The following RRP1 variants were observed in gnomAD, a reference collection of about 807,000 sequenced individuals.
RRP1 encodes ribosomal RNA processing protein 1 homolog A.
In RRP1, 37 loss-of-function variants were observed where a neutral mutation model predicts 54.6. The observed-to-expected ratio is 0.68, with a 90% CI of 0.52 to 0.89. The LOEUF is 0.89. RRP1 is among the 40% of genes least tolerant of loss of function. RRP1 has a pLI of 0.00. For missense variants in RRP1, 639 were observed against 612.5 expected (o/e 1.04, Z -0.46); for synonymous variants, 262 against 244.3 (o/e 1.07, Z -0.67).
chr21:43,798,694 C>T (rs1213781787), intron 8 of RRP1, among the ~76,000 whole-genome samples: 1 of 151,960 alleles, frequency 6.6e-6, no homozygotes, highest in Non-Finnish European at 1.5e-5. Flanking sequence ...CACTGCCTGC[C>T]AGAGGCCTCT....
At chr21:43,794,267 C>T (rs544933876) in intron 4 of RRP1, among the ~76,000 whole-genome samples, 2 of 152,324 alleles carry the variant, frequency 1.3e-5, no homozygotes, top group East Asian at 1.9e-4. Flanking sequence ...CGGCCATGCA[C>T]TCAGACAGAG....
At chr21:43,797,720 G>T in intron 7 of RRP1, 25 bp downstream of exon 7, 2 of 1,611,808 alleles carry the variant, frequency 1.2e-6, no homozygotes, top group Non-Finnish European at 1.7e-6. Flanking sequence ...GCCTGATCGG[G>T]CCCGACTCCT....
intron 4 of RRP1, 105 bp downstream of exon 4, chr21:43,793,509 C>T (rs1025418831): frequency 2.6e-5 from 24 of 918,140 alleles, no homozygotes; most frequent in African/African-American, 3.3e-5. Context: ...TGAGGCAGTG[C>T]GACCCTGAAG....
In RRP1 at chr21:43,804,763, T is replaced by C. The variant is rs1337067918; in HGVS notation, c.*989T>C. The C allele has an allele frequency of 6.6e-6, 1 of 152,314 alleles. No homozygotes were observed. The highest frequency in any genetic ancestry group is 1.5e-5 in the Non-Finnish European group (1 of 68,134). The allele number at this position is 152,314 out of a possible 1,614,324, so 9.4% of individuals were successfully genotyped here. A position where few individuals can be genotyped will look rare whatever the true frequency, so the allele number is the denominator to read the frequency against. On this transcript the variant is annotated 3_prime_UTR_variant, in exon 13 of 13. Transcript: ENST00000497547. This position sits in a 1 kb window ranked among gnomAD's most constrained non-coding sequence, Gnocchi z 4.3. ...CTGGGACCAGGAAGGACCTCTAGGC[T>C]GTGGCTGGCCTTGTGCAGACCCTGG...
At position 43,795,261 on chromosome 21, in the gene RRP1, G is replaced by A. The variant is rs369919306; in HGVS notation, c.422+11G>A. 4.7e-5 allele frequency: 76 copies of A among 1,613,678 alleles called. No homozygotes were observed. The highest frequency in any genetic ancestry group is 5.7e-5 in the Non-Finnish European group (67 of 1,179,786). ...AGGCTGGGAAGAAAGGTGGGTGCGC[G>A]GCGGGCCTGCTCTGGGGGGACGCTG... On this transcript the variant is annotated intron_variant, in intron 5 of 12. Transcript: ENST00000497547.
chr21:43,800,709 C>T (rs1336421053), intron 10 of RRP1, 95 bp downstream of exon 10: 27 of 1,511,230 alleles, frequency 1.8e-5, no homozygotes, highest in African/African-American at 4.2e-5. Context: ...TGGGCCCTTC[C>T]GCAGCCCCCG....
Position 43,802,372 on chromosome 21 carries a change from T to G in RRP1, c.1108T>G (p.Leu370Val). 6.2e-7 allele frequency: 1 copy of G among 1,613,826 alleles called. No individual in the cohort carries two copies. Among genetic ancestry groups the G allele is most frequent in the Non-Finnish European group, 8.5e-7 (1 of 1,179,904 alleles). ...GAAGAAGCAGAAGCGTCTGCTCAGGTTGCAGCAGGAGAGAGGTAGGACTAG... is the reference window on the plus strand; with the variant it reads ...GAAGAAGCAGAAGCGTCTGCTCAGGGTGCAGCAGGAGAGAGGTAGGACTAG... ...KTKKQKRLLR[L>V]QQERGKGEKE... The change falls in exon 12 of 13, where the codon TTG (leucine) becomes GTG (valine). Residue 370 changes from leucine (L) to valine (V), a missense_variant. Leu to Val is a conservative substitution (Grantham distance 32, BLOSUM62 1). Coordinates refer to ENST00000497547, the MANE Select transcript of RRP1 (RefSeq NM_003683.6).
chr21:43,800,772 G>A lies in RRP1; in HGVS notation c.990-90G>A, dbSNP rs1007630818. On this transcript the variant is annotated intron_variant, in intron 10 of 12. Transcript: ENST00000497547. ...CGTCCCCAGCCCCTGGGGTTCCCCT[G>A]GCTAGGAACCTGCAGCCGCTCTAGC... The A allele has an allele frequency of 3.4e-5, 54 of 1,577,716 alleles. No individual in the cohort carries two copies. The Admixed American group carries it at 3.5e-4, about 10-fold the overall frequency.
intron 5 of RRP1, among the ~76,000 whole-genome samples, chr21:43,796,533 C>A (rs2085019861): frequency 6.6e-6 from 1 of 152,202 alleles, no homozygotes; most frequent in African/African-American, 2.4e-5. Flanking sequence ...TTCCCGCCCT[C>A]TTGGATCTCC....
chr21:43,800,567 G>A lies in RRP1; in HGVS notation c.942G>A (p.Gln314=). The change falls in exon 10 of 13, where the codon CAG becomes CAA. Residue 314 remains glutamine (Q), a synonymous_variant. Coordinates refer to ENST00000497547, the MANE Select transcript of RRP1 (RefSeq NM_003683.6). The part of the protein sequence containing the change: ...ANRLFEMASR[Q]STPSQNRKRL... ...GACTGTTTGAAATGGCCAGCCGCCA[G>A]AGCACCCCTTCTCAGAACAGAAAGC... The A allele has an allele frequency of 6.2e-7, 1 of 1,614,264 alleles. No individual in the cohort carries two copies. Among genetic ancestry groups the A allele is most frequent in the Non-Finnish European group, 8.5e-7 (1 of 1,180,046 alleles).
chr21:43,791,346 G>A lies in RRP1; in HGVS notation c.134-4G>A. 6.2e-7 allele frequency: 1 copy of A among 1,613,818 alleles called. No homozygotes were observed. Among genetic ancestry groups the A allele is most frequent in the Non-Finnish European group, 8.5e-7 (1 of 1,179,792 alleles). ...TTGGTCCAACCGTTGCTGTTTTGAT[G>A]CAGGTGGTTTTACGCACGACGAGCT... On this transcript the variant is annotated splice_polypyrimidine_tract_variant and splice_region_variant and intron_variant, in intron 1 of 12. Coordinates refer to ENST00000497547, the MANE Select transcript of RRP1 (RefSeq NM_003683.6).
At chr21:43,802,192 C>G (rs1378073770) in intron 11 of RRP1, 82 bp from the exon 12 acceptor site, 2 of 967,458 alleles carry the variant, frequency 2.1e-6, no homozygotes, top group East Asian at 4.8e-5. Context: ...GTGGTGCTGG[C>G]TGGGGCCTGC....
intron 12 of RRP1, among the ~76,000 whole-genome samples, chr21:43,802,681 C>G (rs1213829555): frequency 6.6e-6 from 1 of 152,216 alleles, no homozygotes; most frequent in East Asian, 1.9e-4. Context: ...TCCGTGCCTC[C>G]GTCTTAGATC....
chr21:43,794,774 G>A lies in RRP1; in HGVS notation c.361-415G>A, dbSNP rs2084999213. 2.6e-5 allele frequency among the ~76,000 whole-genome samples: 4 copies of A among 152,220 alleles called. No individual in the cohort carries two copies. The South Asian group carries it at 8.3e-4, about 31-fold the overall frequency. On this transcript the variant is annotated intron_variant, in intron 4 of 12. Coordinates refer to ENST00000497547, the MANE Select transcript of RRP1 (RefSeq NM_003683.6). ...TGCCCGTTGCGGGGGGTTTGGTGAG[G>A]ACCAGCCGTGTTTCAGACCTGGTTT...
At chr21:43,792,558 C>A (rs1184377746) in intron 2 of RRP1, 114 bp from the exon 3 acceptor site, 1 of 1,039,280 alleles carries the variant, frequency 9.6e-7, no homozygotes, top group Non-Finnish European at 1.5e-6. Flanking sequence ...CCCCTGGAAG[C>A]CGACTCTCTG....
chr21:43,797,415 T>C lies in RRP1; in HGVS notation c.423-7T>C, dbSNP rs774397260. On this transcript the variant is annotated splice_polypyrimidine_tract_variant and splice_region_variant and intron_variant, in intron 5 of 12. Transcript: ENST00000497547. ...CTGCCTGTCATGTTTGCTTTTTCTT[T>C]CCTCAGACAGATCGAGGAGCTGCTA... 3.7e-6 allele frequency: 6 copies of C among 1,607,932 alleles called. No homozygotes were observed. In the Admixed American group the frequency reaches 8.4e-5, roughly 22 times the overall value.
chr21:43,797,312 C>T, intron 5 of RRP1, 110 bp from the exon 6 acceptor site: 1 of 1,486,970 alleles, frequency 6.7e-7, no homozygotes, highest in Non-Finnish European at 8.9e-7. Flanking sequence ...ACAGTGGCGC[C>T]TGCCCGCACT....
At position 43,803,905 on chromosome 21, in the gene RRP1, C is replaced by T. The variant is rs369888607; in HGVS notation, c.*131C>T. 197 of 1,168,948 alleles carry T rather than the reference C, an allele frequency of 1.7e-4. No individual in the cohort carries two copies. In the African/African-American group the frequency reaches 2.3e-3, roughly 13 times the overall value. 72.4% of individuals were successfully genotyped at this position (1,168,948 alleles called of 1,614,324 possible). A position where few individuals can be genotyped will look rare whatever the true frequency, so the allele number is the denominator to read the frequency against. On this transcript the variant is annotated 3_prime_UTR_variant, in exon 13 of 13. Coordinates refer to ENST00000497547, the MANE Select transcript of RRP1 (RefSeq NM_003683.6). ...TCCTGTGCCAGGCGGGAGGGAAGGG[C>T]GGCACTGGAGAGATGGGCCCATCAT...
At position 43,802,346 on chromosome 21, in the gene RRP1, C is replaced by T. The variant is rs914649766; in HGVS notation, c.1082C>T (p.Thr361Met). Residue 361 changes from threonine (T) to methionine (M), a missense_variant, in exon 12 of 13, where the codon ACG becomes ATG. Physicochemically the swap from Thr to Met is moderately conservative, Grantham distance 81. Transcript: ENST00000497547. ...CTTGAAGGGAGGCGGCAGAAGAAGA[C>T]GAAGAAGCAGAAGCGTCTGCTCAGG... ...RLLEGRRQKK[T>M]KKQKRLLRLQ... 5.0e-6 allele frequency: 8 copies of T among 1,613,944 alleles called. No individual in the cohort carries two copies. Among genetic ancestry groups the T allele is most frequent in the South Asian group, 1.1e-5 (1 of 91,084 alleles).
Sources: allele counts gnomAD v4.1 joint callset (sites outside exome capture counted in the v4.1 genomes callset), GRCh38; gene constraint gnomAD v4.1.1; non-coding constraint Gnocchi (gnomAD v3.1); transcripts MANE v1.5; gene names NCBI Gene and HGNC (gene_info 2026-07-23, HGNC 2026-07-21).